SH3RF1: variants seen among roughly 807,000 people sequenced by gnomAD.
The protein encoded by SH3RF1 is E3 ubiquitin-protein ligase SH3RF1.
Under a neutral mutation model 74.0 loss-of-function variants are expected in SH3RF1, and 32 were observed. The observed-to-expected ratio is 0.43, with a 90% CI of 0.33 to 0.58. The LOEUF is 0.58. SH3RF1 is among the 20% of genes least tolerant of loss of function. The probability of loss-of-function intolerance (pLI) is 0.05; values close to 1 mark genes in which losing one functional copy is unlikely to be tolerated. For missense variants in SH3RF1, 954 were observed against 1,130.9 expected (o/e 0.84, Z 2.24); for synonymous variants, 396 against 439.6 (o/e 0.90, Z 1.24).
chr4:169,116,526 G>T lies in SH3RF1; in HGVS notation c.1882C>A (p.Leu628Met). ...PASVGLSHHS[L>M]ASPQPAPLMP... ...AGAGGCGCAGGTTGTGGGGAGGCCA[G>T]CGAGTGATGGGACAGGCCCACAGAT... Residue 628 changes from leucine to methionine, a missense_variant, in exon 10 of 12, where the codon CTG (leucine) becomes ATG (methionine). Leu to Met is a conservative substitution (Grantham distance 15). Around this residue, in one of 3 missense-constraint regions of SH3RF1, gnomAD observed 854 missense variants for 962.5 expected, o/e 0.89. Transcript: ENST00000284637. 6.2e-7 allele frequency: 1 copy of T among 1,613,084 alleles called. No homozygotes were observed. The highest frequency in any genetic ancestry group is 8.5e-7 in the Non-Finnish European group (1 of 1,179,608).
chr4:169,260,652 C>G (rs1013400942), intron 2 of SH3RF1, among the ~76,000 whole-genome samples: 18 of 152,098 alleles, frequency 1.2e-4, no homozygotes, highest in African/African-American at 4.3e-4. Context: ...GCCCAGCCAG[C>G]AGTAACAGAA....
Position 169,159,965 on chromosome 4 carries a change from C to T in SH3RF1, c.394-3286G>A, listed in dbSNP as rs147078784. On this transcript the variant is annotated intron_variant, in intron 2 of 11. Transcript: ENST00000284637. ...AAATTACAAATTCACTGACATGTACCGTTTAATAGGGGATGGCATTTTAGA... is the reference window on the plus strand; with the variant it reads ...AAATTACAAATTCACTGACATGTACTGTTTAATAGGGGATGGCATTTTAGA... Among the ~76,000 whole-genome samples, 11 of 152,214 alleles carry T rather than the reference C, an allele frequency of 7.2e-5. No individual in the cohort carries two copies. In the East Asian group the frequency reaches 1.9e-3, roughly 27 times the overall value.
At chr4:169,197,956 C>T (rs1734845105) in intron 2 of SH3RF1, among the ~76,000 whole-genome samples, 1 of 152,172 alleles carries the variant, frequency 6.6e-6, no homozygotes, top group Non-Finnish European at 1.5e-5. Flanking sequence ...GTGGTTCATA[C>T]ACTTGCTCAG....
intron 2 of SH3RF1, among the ~76,000 whole-genome samples, chr4:169,231,342 C>T (rs1385114718): frequency 5.9e-5 from 9 of 152,226 alleles, no homozygotes; most frequent in African/African-American, 1.9e-4. Flanking sequence ...CCAAGGCAGG[C>T]AGATCACGAG....
chr4:169,168,182 G>A (rs10021065), intron 2 of SH3RF1, among the ~76,000 whole-genome samples: 49,090 of 151,980 alleles, frequency 0.32, 8,296 homozygotes, highest in African/African-American at 0.41. Flanking sequence ...TGAGTAACAA[G>A]CCACACTGGC....
At chr4:169,264,782 C>A (rs747642325) in intron 2 of SH3RF1, among the ~76,000 whole-genome samples, 1 of 152,168 alleles carries the variant, frequency 6.6e-6, no homozygotes, top group Non-Finnish European at 1.5e-5. Flanking sequence ...TTCTTGATGC[C>A]TTCTACATTA....
At chr4:169,155,389 G>C in intron 4 of SH3RF1, 91 bp downstream of exon 4, 1 of 940,990 alleles carries the variant, frequency 1.1e-6, no homozygotes, top group Non-Finnish European at 1.7e-6. Context: ...GCTTTTTGTT[G>C]TGAGGACTTC....
At chr4:169,155,671 T>C in intron 3 of SH3RF1, 96 bp from the exon 4 acceptor site, 1 of 870,038 alleles carries the variant, frequency 1.1e-6, no homozygotes. Context: ...ACTCATGTTT[T>C]AAAGAGTACA....
At chr4:169,161,816 A>C (rs539857757) in intron 2 of SH3RF1, among the ~76,000 whole-genome samples, 1 of 152,366 alleles carries the variant, frequency 6.6e-6, no homozygotes, top group East Asian at 1.9e-4. Flanking sequence ...AGGCACAAAG[A>C]AATCATAGTA....
intron 4 of SH3RF1, 125 bp downstream of exon 4, chr4:169,155,355 G>A: frequency 1.5e-6 from 1 of 675,392 alleles, no homozygotes; most frequent in Non-Finnish European, 2.6e-6. Flanking sequence ...TCTGTCCAGT[G>A]ATCTGTAACA....
chr4:169,204,049 C>T (rs1399678799), intron 2 of SH3RF1: 4 of 152,190 alleles, frequency 2.6e-5, no homozygotes, highest in African/African-American at 4.8e-5. Context: ...TCTCTTCACT[C>T]CCTCTAACTC....
At chr4:169,180,502 C>A (rs1734491164) in intron 2 of SH3RF1, among the ~76,000 whole-genome samples, 1 of 152,146 alleles carries the variant, frequency 6.6e-6, no homozygotes, top group Non-Finnish European at 1.5e-5. Flanking sequence ...GTCTTCAAAG[C>A]AAAAGTGCGG....
chr4:169,185,326 C>A (rs1180969330), intron 2 of SH3RF1, among the ~76,000 whole-genome samples: 1 of 152,072 alleles, frequency 6.6e-6, no homozygotes, highest in African/African-American at 2.4e-5. Context: ...CCGCTACAAG[C>A]CTCACACAAT....
At chr4:169,228,284 A>G (rs1306393017) in intron 2 of SH3RF1, among the ~76,000 whole-genome samples, 1 of 152,182 alleles carries the variant, frequency 6.6e-6, no homozygotes, top group Admixed American at 6.5e-5. Flanking sequence ...AATTAGCACA[A>G]ACTTCATGGC....
At chr4:169,123,483 A>T (rs574458282) in intron 6 of SH3RF1, among the ~76,000 whole-genome samples, 62 of 152,356 alleles carry the variant, frequency 4.1e-4, no homozygotes, top group African/African-American at 1.4e-3. Flanking sequence ...GAAACAAATG[A>T]GGTGCAGAGC....
chr4:169,121,548 C>G (rs1190527200), intron 7 of SH3RF1, among the ~76,000 whole-genome samples: 1 of 152,114 alleles, frequency 6.6e-6, no homozygotes, highest in Non-Finnish European at 1.5e-5. Context: ...CAAGACAACC[C>G]CAAGATGCAA....
chr4:169,255,622 T>TACACACAC (rs56229906), intron 2 of SH3RF1, among the ~76,000 whole-genome samples: 31,727 of 124,018 alleles, frequency 0.26, 4,253 homozygotes, highest in East Asian at 0.34. Context: ...CATACACACA[T>TACACACAC]ACACACACAC....
intron 2 of SH3RF1, among the ~76,000 whole-genome samples, chr4:169,218,666 G>A (rs1474163786): frequency 6.6e-6 from 1 of 151,544 alleles, no homozygotes; most frequent in African/African-American, 2.4e-5. Flanking sequence ...AATCTAAAAT[G>A]CAGATACAGC....
At chr4:169,144,479 G>T (rs1733839458) in intron 4 of SH3RF1, among the ~76,000 whole-genome samples, 2 of 152,088 alleles carry the variant, frequency 1.3e-5, no homozygotes, top group South Asian at 4.1e-4. Flanking sequence ...AATGTTTTTT[G>T]AGTGACTGTT....
Sources: gnomAD v4.1 joint callset for allele counts (sites outside exome capture counted in the v4.1 genomes callset) on GRCh38, gnomAD v4.1.1 for gene constraint, gnomAD v4.1.1 regional missense constraint, MANE v1.5 for transcripts, NCBI Gene and HGNC (gene_info 2026-07-23, HGNC 2026-07-21) for gene names.